ROBO2: variants seen among roughly 807,000 people sequenced by gnomAD.
ROBO2 encodes roundabout homolog 2.
In ROBO2, 53 loss-of-function variants were observed where a neutral mutation model predicts 160.8. The observed-to-expected ratio is 0.33, with a 90% CI of 0.26 to 0.41. The LOEUF is 0.41. Ranked by LOEUF, ROBO2 falls within the 10% of genes least tolerant of loss-of-function variation. The pLI is 1.00. For missense variants in ROBO2, 1,577 were observed against 1,722.4 expected, an observed-to-expected ratio of 0.92 and a Z score of 1.49; for synonymous variants, 664 against 611.7, an observed-to-expected ratio of 1.09 and a Z score of -1.26.
chr3:77,308,553 C>A (rs1467058160), intron 2 of ROBO2, among the ~76,000 whole-genome samples: 1 of 152,032 alleles, frequency 6.6e-6, no homozygotes, highest in African/African-American at 2.4e-5. Flanking sequence ...GGATACTAGA[C>A]ATCAATACTA....
intron 2 of ROBO2, among the ~76,000 whole-genome samples, chr3:77,211,158 C>T (rs528007596): frequency 0.024 from 3,657 of 152,192 alleles, 47 homozygotes; most frequent in Middle Eastern, 0.058. Context: ...CCTGAGGAAT[C>T]GCCACACTGA....
At chr3:76,016,591 C>T (rs1379854050) in intron 2 of ROBO2, among the ~76,000 whole-genome samples, 1 of 151,442 alleles carries the variant, frequency 6.6e-6, no homozygotes, top group African/African-American at 2.4e-5. Context: ...AGACTGTTTA[C>T]TGAATATAAT....
intron 1 of ROBO2, among the ~76,000 whole-genome samples, chr3:77,067,579 A>G (rs953809745): frequency 6.6e-6 from 1 of 152,218 alleles, no homozygotes; most frequent in African/African-American, 2.4e-5. Flanking sequence ...TGAGAATAGC[A>G]TTAAGCAAGG....
chr3:75,955,320 A>G (rs1427524705), intron 2 of ROBO2, among the ~76,000 whole-genome samples: 1 of 151,868 alleles, frequency 6.6e-6, no homozygotes, highest in Non-Finnish European at 1.5e-5. Context: ...ATTCATTTTG[A>G]AATAGAACTT....
chr3:77,249,054 G>T (rs2090066173), intron 2 of ROBO2, among the ~76,000 whole-genome samples: 1 of 152,016 alleles, frequency 6.6e-6, no homozygotes, highest in Non-Finnish European at 1.5e-5. Context: ...GTTTCTCCAT[G>T]TTGGCCAGGC....
chr3:77,085,555 T>C (rs1403565368), intron 1 of ROBO2, among the ~76,000 whole-genome samples: 5 of 152,076 alleles, frequency 3.3e-5, no homozygotes, highest in Non-Finnish European at 5.9e-5. Flanking sequence ...ATTGTCAGTA[T>C]GGTACAAAGA....
intron 5 of ROBO2, among the ~76,000 whole-genome samples, chr3:77,497,091 A>T (rs926623635): frequency 6.6e-6 from 1 of 152,132 alleles, no homozygotes; most frequent in South Asian, 2.1e-4. Flanking sequence ...GACATTTTCC[A>T]TGCGACCAAG....
chr3:76,614,914 T>C (rs994354906), intron 2 of ROBO2, among the ~76,000 whole-genome samples: 5 of 152,080 alleles, frequency 3.3e-5, no homozygotes, highest in African/African-American at 1.2e-4. Context: ...TAAATGCAAG[T>C]GAAAGCAAGA....
chr3:77,178,700 A>T (rs1439961870), intron 2 of ROBO2, among the ~76,000 whole-genome samples: 2 of 152,068 alleles, frequency 1.3e-5, no homozygotes, highest in African/African-American at 2.4e-5. Context: ...TACATATTTT[A>T]AAAAATAATT....
chr3:76,544,455 T>A (rs2108273070), intron 2 of ROBO2, among the ~76,000 whole-genome samples: 1 of 152,218 alleles, frequency 6.6e-6, no homozygotes, highest in East Asian at 1.9e-4. Flanking sequence ...ATTATCTAAG[T>A]TTAATGTGTT....
chr3:76,269,620 A>G (rs1707309997), intron 2 of ROBO2, among the ~76,000 whole-genome samples: 1 of 151,600 alleles, frequency 6.6e-6, no homozygotes, highest in South Asian at 2.1e-4. Flanking sequence ...GAAAGGAATG[A>G]GTAAATCCAT....
intron 2 of ROBO2, among the ~76,000 whole-genome samples, chr3:76,874,363 C>G (rs570124580): frequency 3.4e-4 from 52 of 152,176 alleles, no homozygotes; most frequent in African/African-American, 1.2e-3. Flanking sequence ...TCTTTTTTCC[C>G]TTTCAATTCA....
At chr3:76,773,048 C>G (rs1246720253) in intron 2 of ROBO2, among the ~76,000 whole-genome samples, 3 of 150,990 alleles carry the variant, frequency 2.0e-5, no homozygotes, top group Non-Finnish European at 4.5e-5. Flanking sequence ...AATGAGATTT[C>G]AAAGAAAACA....
At chr3:76,144,318 G>C (rs1407339200) in intron 2 of ROBO2, among the ~76,000 whole-genome samples, 1 of 151,930 alleles carries the variant, frequency 6.6e-6, no homozygotes, top group Non-Finnish European at 1.5e-5. Context: ...GATAGGCCTC[G>C]ATATTTGAAG....
At chr3:75,908,438 T>C (rs12632783) in intron 1 of ROBO2, among the ~76,000 whole-genome samples, 63,282 of 140,604 alleles carry the variant, frequency 0.45, 15,200 homozygotes, top group Non-Finnish European at 0.56. Context: ...AAAAGTGATA[T>C]TCCATTTTGT....
At chr3:77,533,457 T>C (rs1559557368) in intron 6 of ROBO2, among the ~76,000 whole-genome samples, 1 of 152,170 alleles carries the variant, frequency 6.6e-6, no homozygotes, top group East Asian at 1.9e-4. Flanking sequence ...CAGGTTGCAC[T>C]CTCCTCCGGA....
chr3:77,242,692 C>G (rs1239807400), intron 2 of ROBO2, among the ~76,000 whole-genome samples: 3 of 151,876 alleles, frequency 2.0e-5, no homozygotes, highest in South Asian at 2.1e-4. Flanking sequence ...GAAGGAAGAA[C>G]AGGAGATAGT....
At chr3:76,839,323 T>C (rs1248061071) in intron 2 of ROBO2, among the ~76,000 whole-genome samples, 1 of 152,058 alleles carries the variant, frequency 6.6e-6, no homozygotes, top group East Asian at 1.9e-4. Flanking sequence ...GAGTTTAAAG[T>C]CTAGTTGGTG....
chr3:76,068,834 T>C (rs1381577392), intron 2 of ROBO2, among the ~76,000 whole-genome samples: 1 of 151,876 alleles, frequency 6.6e-6, no homozygotes, highest in African/African-American at 2.4e-5. Context: ...TCTTCAACTT[T>C]TAGTCCTTTT....
Sources: allele counts gnomAD v4.1 joint callset (sites outside exome capture counted in the v4.1 genomes callset), GRCh38; gene constraint gnomAD v4.1.1; transcripts MANE v1.5; gene names NCBI Gene and HGNC (gene_info 2026-07-23, HGNC 2026-07-21).